LAPTM4B: variants seen among roughly 807,000 people sequenced by gnomAD.
The protein encoded by LAPTM4B is lysosomal-associated transmembrane protein 4B.
A neutral mutation model predicts 28.5 loss-of-function variants in LAPTM4B; 26 were observed. The observed-to-expected ratio is 0.91, with a 90% CI of 0.67 to 1.27. The LOEUF (loss-of-function observed/expected upper bound fraction) is 1.27. Ranked by LOEUF, LAPTM4B falls within the 50% of genes most tolerant of loss-of-function variation. The pLI is 0.00. For synonymous variants in LAPTM4B, 109 were observed against 106.4 expected, an observed-to-expected ratio of 1.02 and a Z score of -0.15; for missense variants, 288 against 285.8, an observed-to-expected ratio of 1.01 and a Z score of -0.06.
chr8:97,801,985 A>G (rs79997616), intron 1 of LAPTM4B, among the ~76,000 whole-genome samples: 6,597 of 152,300 alleles, frequency 0.043, 194 homozygotes, highest in Admixed American at 0.082. Context: ...TGTAACAGAA[A>G]GTTTTCTTCA....
At chr8:97,803,963 G>A (rs1212756245) in intron 1 of LAPTM4B, among the ~76,000 whole-genome samples, 1 of 152,196 alleles carries the variant, frequency 6.6e-6, no homozygotes, top group Non-Finnish European at 1.5e-5. Context: ...TTTTGTGGTA[G>A]GATATGCCAT....
chr8:97,785,172 A>G (rs1417535938), intron 1 of LAPTM4B, among the ~76,000 whole-genome samples: 1 of 148,074 alleles, frequency 6.8e-6, no homozygotes, highest in Non-Finnish European at 1.5e-5. Flanking sequence ...TGCAACCTCC[A>G]CCTCCCGGGT....
intron 6 of LAPTM4B, among the ~76,000 whole-genome samples, chr8:97,838,569 C>T (rs774597180): frequency 2.0e-5 from 3 of 152,184 alleles, no homozygotes; most frequent in Non-Finnish European, 2.9e-5. Flanking sequence ...CCCTGCTAGT[C>T]GAGTGGCAGG....
At chr8:97,811,593 T>C (rs1011187950) in intron 2 of LAPTM4B, among the ~76,000 whole-genome samples, 4 of 152,094 alleles carry the variant, frequency 2.6e-5, no homozygotes, top group Non-Finnish European at 5.9e-5. Context: ...TCCTGATGGC[T>C]CTCAACATCA....
At chr8:97,811,473 CTG>C (rs1300758020) in intron 2 of LAPTM4B, among the ~76,000 whole-genome samples, 1 of 152,118 alleles carries the variant, frequency 6.6e-6, no homozygotes, top group East Asian at 1.9e-4. Context: ...ATTAACTGTA[CTG>C]TGTGTATGCT....
At chr8:97,825,449 A>G (rs1007810661) in intron 6 of LAPTM4B, among the ~76,000 whole-genome samples, 22 of 152,228 alleles carry the variant, frequency 1.4e-4, no homozygotes, top group Admixed American at 1.3e-3. Context: ...TTAAACCTGC[A>G]TTGTTAAACC....
At chr8:97,776,285 G>T (rs1311872664) in intron 1 of LAPTM4B, among the ~76,000 whole-genome samples, 177 bp downstream of exon 1, 3 of 150,042 alleles carry the variant, frequency 2.0e-5, no homozygotes, top group Non-Finnish European at 4.4e-5. Context: ...AGCGCCGACT[G>T]GGGGAGGCCA....
rs1816198806 is a variant in LAPTM4B, at chr8:97,775,916, G to C, written c.-94G>C. ...GAGCGGGCCGGGAGCCGGAGCGGCGGAGGAGCCGGCAGCAGCGGCGCGGCG... is the reference window on the plus strand; with the variant it reads ...GAGCGGGCCGGGAGCCGGAGCGGCGCAGGAGCCGGCAGCAGCGGCGCGGCG... On this transcript the variant is annotated 5_prime_UTR_variant, in exon 1 of 7. Coordinates refer to ENST00000521545, the MANE Select transcript of LAPTM4B (RefSeq NM_018407.6). 2 of 1,313,584 alleles carry C rather than the reference G, an allele frequency of 1.5e-6. No homozygotes were observed. Among genetic ancestry groups the C allele is most frequent in the East Asian group, 5.9e-5 (2 of 33,678 alleles). The allele number at this position is 1,313,584 out of a possible 1,614,324, so 81.4% of individuals were successfully genotyped here.
intron 6 of LAPTM4B, among the ~76,000 whole-genome samples, chr8:97,850,554 GGACA>G (rs1342962416): frequency 6.7e-6 from 1 of 149,720 alleles, no homozygotes; most frequent in African/African-American, 2.5e-5. Flanking sequence ...GGAGCTAAAG[GGACA>G]GATAAATGAA....
At chr8:97,836,614 G>T (rs1325627549) in intron 6 of LAPTM4B, among the ~76,000 whole-genome samples, 1 of 151,996 alleles carries the variant, frequency 6.6e-6, no homozygotes, top group South Asian at 2.1e-4. Flanking sequence ...CTCTGGAGTT[G>T]TGGCACTCAA....
rs182942537 is a variant in LAPTM4B at position 97,832,190 on chromosome 8, G to A, written c.603+7037G>A. 2.1e-3 allele frequency among the ~76,000 whole-genome samples: 314 copies of A among 152,236 alleles called. 2 individuals are homozygous for A. Among genetic ancestry groups the A allele is most frequent in the African/African-American group, 7.1e-3 (295 of 41,518 alleles). The stretch of plus-strand genomic sequence containing the variant: ...ATTTTTCCCCTTTGAAAGACACAAA[G>A]GTATGGAATAACAGGTTTGTTTATT... On this transcript the variant is annotated intron_variant, in intron 6 of 6. Coordinates refer to ENST00000521545, the MANE Select transcript of LAPTM4B (RefSeq NM_018407.6).
intron 4 of LAPTM4B, among the ~76,000 whole-genome samples, chr8:97,817,155 G>A (rs1816930889): frequency 6.6e-6 from 1 of 151,900 alleles, no homozygotes; most frequent in African/African-American, 2.4e-5. Context: ...TTTATTTTTG[G>A]GACAGGGTCT....
intron 1 of LAPTM4B, among the ~76,000 whole-genome samples, chr8:97,779,006 C>G (rs1010737706): frequency 6.6e-6 from 1 of 152,128 alleles, no homozygotes; most frequent in Non-Finnish European, 1.5e-5. Flanking sequence ...TTGTCCTAAC[C>G]CTTTCTCTCA....
chr8:97,843,313 G>A (rs867980760), intron 6 of LAPTM4B, among the ~76,000 whole-genome samples: 13 of 152,234 alleles, frequency 8.5e-5, no homozygotes, highest in African/African-American at 2.9e-4. Context: ...TGTAGTCCCA[G>A]CTACTCAGGA....
chr8:97,839,412 C>T (rs1341588158), intron 6 of LAPTM4B, among the ~76,000 whole-genome samples: 2 of 152,106 alleles, frequency 1.3e-5, no homozygotes, highest in Non-Finnish European at 1.5e-5. Flanking sequence ...AGGCCGATCT[C>T]GAACTCCTGA....
At chr8:97,807,571 G>A (rs1816773495) in intron 2 of LAPTM4B, among the ~76,000 whole-genome samples, 1 of 152,206 alleles carries the variant, frequency 6.6e-6, no homozygotes. Context: ...TCTTAAAGTG[G>A]AGAGGTTACA....
At chr8:97,828,925 C>T (rs557383224) in intron 6 of LAPTM4B, among the ~76,000 whole-genome samples, 82 of 152,226 alleles carry the variant, frequency 5.4e-4, no homozygotes, top group African/African-American at 1.6e-3. Context: ...GGGAGTTGCT[C>T]GCTTCCGTTT....
intron 6 of LAPTM4B, among the ~76,000 whole-genome samples, chr8:97,843,783 A>G (rs1022098193): frequency 6.0e-5 from 3 of 49,780 alleles, no homozygotes; most frequent in East Asian, 5.0e-4. Context: ...TCCATCTCAA[A>G]TAAATAAATA....
chr8:97,833,957 A>G (rs1483386591), intron 6 of LAPTM4B, among the ~76,000 whole-genome samples: 1 of 152,016 alleles, frequency 6.6e-6, no homozygotes. Flanking sequence ...TCTCTTTGTC[A>G]GTTTTCAAAA....
Sources: allele counts gnomAD v4.1 joint callset (sites outside exome capture counted in the v4.1 genomes callset), GRCh38; gene constraint gnomAD v4.1.1; transcripts MANE v1.5; gene names NCBI Gene and HGNC (gene_info 2026-07-23, HGNC 2026-07-21).